Variants in CAMKK2 observed in about 807,000 individuals in gnomAD.
CAMKK2 encodes the protein calcium/calmodulin dependent protein kinase kinase 2.
CAMKK2 carries 30 observed loss-of-function variants against 67.2 expected under a neutral mutation model. The ratio of observed to expected loss-of-function variants is 0.45; its 90% CI spans 0.33 to 0.61. The LOEUF is 0.61. CAMKK2 is among the 20% of genes least tolerant of loss of function. The pLI, the probability that CAMKK2 is intolerant of heterozygous loss-of-function variation, is 0.02. For synonymous variants in CAMKK2, 322 were observed against 326.2 expected, an observed-to-expected ratio of 0.99 and a Z score of 0.14; for missense variants, 643 against 802.0, an observed-to-expected ratio of 0.80 and a Z score of 2.39.
intron 5 of CAMKK2, 136 bp from the exon 6 acceptor site, chr12:121,264,075 G>A: frequency 1.3e-6 from 1 of 765,344 alleles, no homozygotes; most frequent in African/African-American, 1.7e-5. Context: ...GCCACCAGGG[G>A]CTTTAACTAA....
chr12:121,290,089 G>A lies in CAMKK2; in HGVS notation c.-60+6549C>T, dbSNP rs375679563. 2.0e-5 allele frequency among the ~76,000 whole-genome samples: 3 copies of A among 152,220 alleles called. No individual in the cohort carries two copies. The East Asian group carries it at 5.8e-4, about 29-fold the overall frequency. On this transcript the variant is annotated intron_variant, in intron 1 of 16. Transcript: ENST00000404169. ...TCTATGGCAGTCCCTAGTACACAGC[G>A]TGGCTCAAGCTAATTGTTCCGCAAA...
chr12:121,275,156 C>T (rs1319627889), intron 1 of CAMKK2, among the ~76,000 whole-genome samples: 2 of 152,022 alleles, frequency 1.3e-5, no homozygotes, highest in Non-Finnish European at 2.9e-5. Flanking sequence ...AATAAGTTTG[C>T]CTGACTTTTT....
At chr12:121,278,222 A>G (rs539751909) in intron 1 of CAMKK2, among the ~76,000 whole-genome samples, 2 of 152,204 alleles carry the variant, frequency 1.3e-5, no homozygotes, top group Admixed American at 6.5e-5. Context: ...ATATTTCTCT[A>G]TGGCCCTAGC....
In CAMKK2 at chr12:121,253,200, G is replaced by A; in HGVS notation, c.1107+73C>T. 7.4e-7 allele frequency: 1 copy of A among 1,345,588 alleles called. No homozygotes were observed. The highest frequency in any genetic ancestry group is 1.1e-6 in the Non-Finnish European group (1 of 943,942). 83.4% of individuals were successfully genotyped at this position (1,345,588 alleles called of 1,614,324 possible). A position where few individuals can be genotyped will look rare whatever the true frequency, so the allele number is the denominator to read the frequency against. On this transcript the variant is annotated intron_variant, in intron 10 of 16. Coordinates refer to ENST00000404169, the MANE Select transcript of CAMKK2 (RefSeq NM_001270485.2). The surrounding 1 kb of genome is among the most constrained non-coding windows in gnomAD (Gnocchi z 5.0). ...TCACTGTTTAAGCCTGTGTGCGTTG[G>A]GTTTCTGCTGCTTACAATCCAGAAG...
At chr12:121,288,663 G>A (rs1021181977) in intron 1 of CAMKK2, among the ~76,000 whole-genome samples, 3 of 151,866 alleles carry the variant, frequency 2.0e-5, no homozygotes, top group Non-Finnish European at 2.9e-5. Flanking sequence ...TACCCCACCC[G>A]CTGGGTTCCT....
intron 1 of CAMKK2, among the ~76,000 whole-genome samples, chr12:121,288,268 GGA>G (rs1805438693): frequency 6.6e-6 from 1 of 152,174 alleles, no homozygotes; most frequent in South Asian, 2.1e-4. Flanking sequence ...AATCAGAGAT[GGA>G]GAGGGCCAGC....
chr12:121,278,075 G>A (rs1248015190), intron 1 of CAMKK2, among the ~76,000 whole-genome samples: 2 of 152,222 alleles, frequency 1.3e-5, no homozygotes, highest in Non-Finnish European at 2.9e-5. Flanking sequence ...CGGGGCAGGA[G>A]GTCAGGAGAG....
chr12:121,294,110 T>G (rs1200149251), intron 1 of CAMKK2, among the ~76,000 whole-genome samples: 1 of 152,080 alleles, frequency 6.6e-6, no homozygotes, highest in Non-Finnish European at 1.5e-5. Context: ...TTTTTGTATT[T>G]TTAGTAGAGA....
At chr12:121,271,980 G>C (rs1895867874) in intron 2 of CAMKK2, among the ~76,000 whole-genome samples, 1 of 152,106 alleles carries the variant, frequency 6.6e-6, no homozygotes, top group African/African-American at 2.4e-5. Context: ...AAAATGCTGG[G>C]ATTACAGGCG....
Position 121,260,301 on chromosome 12 carries a change from AG to A in CAMKK2, c.796+17del, listed in dbSNP as rs1269964622. On this transcript the variant is annotated intron_variant, in intron 7 of 16. Transcript: ENST00000404169. ...GTGGTGCCTGGGTGAGGGTGGCAGA[AG>A]AAAAGGGCTTCCTTACCCATGTACA... 3.1e-6 allele frequency: 5 copies of A among 1,600,728 alleles called. No individual in the cohort carries two copies. The highest frequency in any genetic ancestry group is 3.4e-6 in the Non-Finnish European group (4 of 1,175,380).
At chr12:121,270,859 G>A (rs28360479) in intron 3 of CAMKK2, 39 bp downstream of exon 3, 10 of 1,558,812 alleles carry the variant, frequency 6.4e-6, no homozygotes, top group East Asian at 2.2e-5. Flanking sequence ...AACGCCCCTG[G>A]TGAATGCAGA....
intron 5 of CAMKK2, among the ~76,000 whole-genome samples, 176 bp from the exon 6 acceptor site, chr12:121,264,115 G>A (rs1026728097): frequency 1.3e-5 from 2 of 152,174 alleles, no homozygotes; most frequent in African/African-American, 4.8e-5. Context: ...CTCTGCTGCT[G>A]GAAGTGAGTG....
At chr12:121,248,168 T>C (rs940366517) in intron 14 of CAMKK2, among the ~76,000 whole-genome samples, 1 of 152,202 alleles carries the variant, frequency 6.6e-6, no homozygotes, top group Non-Finnish European at 1.5e-5. Flanking sequence ...GGCAGAACTT[T>C]CTGAGTGTGT....
intron 6 of CAMKK2, among the ~76,000 whole-genome samples, chr12:121,260,810 G>A (rs984493809): frequency 5.3e-5 from 8 of 151,920 alleles, no homozygotes; most frequent in African/African-American, 1.2e-4. Flanking sequence ...AAATTAGTCC[G>A]GTGTGGTGGT....
rs1244629116 is a variant in CAMKK2 at position 121,296,365 on chromosome 12, C to G, written c.-60+273G>C. ...CCAAACTCCAGGACCGCCCCTGCCA[C>G]CCGGACAGGGCGCGGCCCAGCCGAG... On this transcript the variant is annotated intron_variant, in intron 1 of 16. Coordinates refer to ENST00000404169, the MANE Select transcript of CAMKK2 (RefSeq NM_001270485.2). The surrounding 1 kb of genome is among the most constrained non-coding windows in gnomAD (Gnocchi z 7.1). 1.3e-5 allele frequency among the ~76,000 whole-genome samples: 2 copies of G among 152,178 alleles called. No individual in the cohort carries two copies. Among genetic ancestry groups the G allele is most frequent in the Non-Finnish European group, 2.9e-5 (2 of 68,018 alleles).
upstream of CAMKK2, chr12:121,296,990 G>A (rs1168312026): frequency 2.0e-5 from 3 of 152,978 alleles, no homozygotes; most frequent in African/African-American, 4.8e-5. The surrounding 1 kb of genome is among the most constrained non-coding windows in gnomAD (Gnocchi z 7.1). Flanking sequence ...AAAGGGAGGA[G>A]GCGAAGAACG....
At position 121,274,499 on chromosome 12, in the gene CAMKK2, T is replaced by C; in HGVS notation, c.28A>G (p.Ser10Gly). The change falls in exon 2 of 17, where the codon AGC (serine) becomes GGC (glycine). Residue 10 changes from serine to glycine, a missense_variant. Physicochemically the swap from Ser to Gly is moderately conservative, Grantham distance 56. Transcript: ENST00000404169. MSSCVSSQPSSNRAAPQDEL... is the reference protein window; with the variant it reads MSSCVSSQPGSNRAAPQDEL... ...TCCTGGGGGGCGGCCCGGTTGCTGC[T>C]GGGCTGGCTAGAGACACATGATGAC... 1 of 1,612,178 alleles carries C rather than the reference T, an allele frequency of 6.2e-7. No individual in the cohort carries two copies. The highest frequency in any genetic ancestry group is 8.5e-7 in the Non-Finnish European group (1 of 1,179,830).
At chr12:121,275,027 A>G (rs1459208985) in intron 1 of CAMKK2, among the ~76,000 whole-genome samples, 2 of 152,038 alleles carry the variant, frequency 1.3e-5, no homozygotes, top group Non-Finnish European at 2.9e-5. Flanking sequence ...TAGAGCACAC[A>G]TATCCCCTAC....
chr12:121,244,076 AGGGAACTCTTACGTTACTTT>A (rs1888917963), intron 16 of CAMKK2: 1 of 1,608,688 alleles, frequency 6.2e-7, no homozygotes. Flanking sequence ...CACTCGGGTG[AGGGAACTCTTACGTTACTTT>A]GCAACAGGCA....
Sources: allele counts gnomAD v4.1 joint callset (sites outside exome capture counted in the v4.1 genomes callset), GRCh38; gene constraint gnomAD v4.1.1; non-coding constraint Gnocchi (gnomAD v3.1); transcripts MANE v1.5; gene names NCBI Gene and HGNC (gene_info 2026-07-23, HGNC 2026-07-21).